IDO1: variants seen among roughly 807,000 people sequenced by gnomAD.
IDO1 encodes the protein indolamine 2,3 dioxygenase.
In IDO1, 35 loss-of-function variants were observed where a neutral mutation model predicts 38.8. The observed-to-expected ratio is 0.90, with a 90% CI of 0.69 to 1.20. IDO1 has a LOEUF of 1.20. Among genes scored for constraint, IDO1 ranks in the 50% most tolerant of loss-of-function variants. The pLI, the probability that IDO1 is intolerant of heterozygous loss-of-function variation, is 0.00. For synonymous variants in IDO1, 171 were observed against 170.0 expected (o/e 1.01, Z -0.05); for missense variants, 509 against 485.1 (o/e 1.05, Z -0.46).
chr8:39,921,351 A>T (rs990944865), intron 5 of IDO1, among the ~76,000 whole-genome samples: 1 of 152,004 alleles, frequency 6.6e-6, no homozygotes, highest in African/African-American at 2.4e-5. Context: ...TACTCGGGAG[A>T]CTGAAGCAGG....
chr8:39,919,975 T>C (rs1303767540), intron 4 of IDO1, 125 bp from the exon 5 acceptor site: 3 of 806,438 alleles, frequency 3.7e-6, no homozygotes, highest in African/African-American at 1.7e-5. Flanking sequence ...CTTTTTCTTT[T>C]TACCTATGTC....
At chr8:39,916,000 C>A (rs952765538) in intron 1 of IDO1, among the ~76,000 whole-genome samples, 6 of 150,904 alleles carry the variant, frequency 4.0e-5, no homozygotes, top group African/African-American at 1.5e-4. Flanking sequence ...CCCGTCTCTA[C>A]TAAAAAAATA....
At chr8:39,923,696 C>G (rs1333109343) in intron 7 of IDO1, 110 bp downstream of exon 7, 3 of 609,094 alleles carry the variant, frequency 4.9e-6, no homozygotes, top group Non-Finnish European at 8.8e-6. Context: ...TATGTTTTCA[C>G]TTTAGGTATT....
Position 39,927,960 on chromosome 8 carries a change from G to A in IDO1, c.987G>A (p.Arg329=), listed in dbSNP as rs1230321024. ...TTTCAAAAGGTGATGCTGGCCTGCG[G>A]GAAGCTTATGACGCCTGTGTGAAAG... ...FVLSKGDAGL[R]EAYDACVKAL... The change falls in exon 10 of 10, where the codon CGG becomes CGA. Residue 329 remains arginine, a synonymous_variant. Transcript: ENST00000518237. The A allele has an allele frequency of 1.2e-6, 2 of 1,604,820 alleles. No individual in the cohort carries two copies. Among genetic ancestry groups the A allele is most frequent in the Non-Finnish European group, 1.7e-6 (2 of 1,175,520 alleles).
Position 39,916,001 on chromosome 8 carries a change from T to C in IDO1, c.88-1874T>C, listed in dbSNP as rs1807169443. Among the ~76,000 whole-genome samples the C allele has an allele frequency of 1.3e-5, 2 of 150,650 alleles. 1 individual carries two copies. The highest frequency in any genetic ancestry group is 4.2e-4 in the South Asian group (2 of 4,756). ...CAATGTGGTGAAACCCCGTCTCTAC[T>C]AAAAAAATACAAAAATTCGCAGGGC... On this transcript the variant is annotated intron_variant, in intron 1 of 9. Coordinates refer to ENST00000518237, the MANE Select transcript of IDO1 (RefSeq NM_002164.6).
At chr8:39,915,135 C>T (rs1040048367) in intron 1 of IDO1, among the ~76,000 whole-genome samples, 2 of 152,178 alleles carry the variant, frequency 1.3e-5, no homozygotes, top group Non-Finnish European at 2.9e-5. Flanking sequence ...AATTATCAAA[C>T]TATGTAGCTA....
Position 39,925,277 on chromosome 8 carries a change from A to G in IDO1, c.762A>G (p.Glu254=), listed in dbSNP as rs531108370. 1.4e-5 allele frequency: 22 copies of G among 1,613,558 alleles called. No homozygotes were observed. The East Asian group carries it at 4.5e-4, about 33-fold the overall frequency. ...GTCTGGTGTATGAAGGGTTCTGGGA[A>G]GACCCAAAGGAGTTTGCAGGGGGCA... The part of the protein sequence containing the change: ...SDGLVYEGFW[E]DPKEFAGGSA... The change falls in exon 9 of 10, where the codon GAA becomes GAG. Residue 254 remains glutamate (E), a synonymous_variant. Coordinates refer to ENST00000518237, the MANE Select transcript of IDO1 (RefSeq NM_002164.6).
At chr8:39,919,184 T>C (rs2129592211) in intron 4 of IDO1, 1 of 602,586 alleles carries the variant, frequency 1.7e-6, no homozygotes, top group East Asian at 3.6e-5. Context: ...AATTTAACTA[T>C]TATATACATA....
intron 4 of IDO1, 115 bp downstream of exon 4, chr8:39,919,048 G>T: frequency 1.3e-6 from 1 of 769,166 alleles, no homozygotes; most frequent in Non-Finnish European, 2.4e-6. Flanking sequence ...GCTGGGTATG[G>T]TTCCTCTCAG....
chr8:39,914,896 G>C (rs995331707), intron 1 of IDO1, among the ~76,000 whole-genome samples: 1 of 152,224 alleles, frequency 6.6e-6, no homozygotes, highest in African/African-American at 2.4e-5. Context: ...CTCCCAAGTA[G>C]CTGGGATTAT....
intron 3 of IDO1, chr8:39,918,489 G>A: frequency 2.2e-6 from 1 of 460,914 alleles, no homozygotes; most frequent in Non-Finnish European, 3.8e-6. Flanking sequence ...ACACACATGG[G>A]CCTCCCAGCA....
chr8:39,917,851 T>C, intron 1 of IDO1, 24 bp from the exon 2 acceptor site: 1 of 1,496,598 alleles, frequency 6.7e-7, no homozygotes, highest in Non-Finnish European at 9.2e-7. Flanking sequence ...TACTACTAAA[T>C]AAAGATCTTT....
chr8:39,923,178 C>CAGGT (rs1807300858), intron 6 of IDO1, among the ~76,000 whole-genome samples: 3 of 151,980 alleles, frequency 2.0e-5, no homozygotes, highest in Non-Finnish European at 4.4e-5. Flanking sequence ...CTGAAGTGGG[C>CAGGT]GGATCACTTG....
In IDO1 at chr8:39,918,548, C is replaced by A. The variant is rs547401105; in HGVS notation, c.304-267C>A. 3.7e-4 allele frequency: 173 copies of A among 463,152 alleles called. No individual in the cohort carries two copies. The South Asian group carries it at 4.1e-3, about 11-fold the overall frequency. 28.7% of individuals were successfully genotyped at this position (463,152 alleles called of 1,614,324 possible). ...ATCACCTGAGGTCAGGAGTTCAAGA[C>A]CAACTTGGCTAACATAGTGAAACCC... On this transcript the variant is annotated intron_variant, in intron 3 of 9. Coordinates refer to ENST00000518237, the MANE Select transcript of IDO1 (RefSeq NM_002164.6).
chr8:39,926,061 C>A (rs1807355015), intron 9 of IDO1, among the ~76,000 whole-genome samples: 1 of 151,840 alleles, frequency 6.6e-6, no homozygotes, highest in Non-Finnish European at 1.5e-5. Context: ...GTGGCGGGTG[C>A]CTGTAGTCCC....
At position 39,915,882 on chromosome 8, in the gene IDO1, C is replaced by T. The variant is rs149775848; in HGVS notation, c.87+1873C>T. On this transcript the variant is annotated intron_variant, in intron 1 of 9. Transcript: ENST00000518237. ...CTTAGCTACTTAAAAAAAAGATTCT[C>T]GGCTGGGGACGGGTGGCTCACGCCT... Among the ~76,000 whole-genome samples the T allele has an allele frequency of 9.9e-3, 1,511 of 152,082 alleles. 24 individuals carry two copies. The highest frequency in any genetic ancestry group is 0.034 in the African/African-American group (1,396 of 41,524).
At chr8:39,919,297 T>G (rs1807232568) in intron 4 of IDO1, among the ~76,000 whole-genome samples, 1 of 152,210 alleles carries the variant, frequency 6.6e-6, no homozygotes, top group Non-Finnish European at 1.5e-5. Flanking sequence ...AAATATATTT[T>G]TATTTGCCTT....
At chr8:39,921,591 A>T (rs896243454) in intron 5 of IDO1, among the ~76,000 whole-genome samples, 1 of 152,200 alleles carries the variant, frequency 6.6e-6, no homozygotes, top group Non-Finnish European at 1.5e-5. Flanking sequence ...CACTTTACAG[A>T]TGAGAACACC....
At chr8:39,923,380 G>C (rs1203269686) in intron 6 of IDO1, 89 bp from the exon 7 acceptor site, 9 of 773,306 alleles carry the variant, frequency 1.2e-5, no homozygotes, top group East Asian at 5.9e-5. Flanking sequence ...CCCCAGCCTG[G>C]ACAACTGAGC....
Sources: allele counts gnomAD v4.1 joint callset (sites outside exome capture counted in the v4.1 genomes callset), GRCh38; gene constraint gnomAD v4.1.1; transcripts MANE v1.5; gene names NCBI Gene and HGNC (gene_info 2026-07-23, HGNC 2026-07-21).